The following AP1B1 variants were observed in gnomAD, a reference collection of about 807,000 sequenced individuals.
AP1B1 encodes adaptor related protein complex 1 subunit beta 1.
AP1B1 carries 36 observed loss-of-function variants against 104.3 expected under a neutral mutation model. That is an observed-to-expected ratio of 0.35 (90% CI 0.26 to 0.46). AP1B1 has a LOEUF of 0.46. Among genes scored for constraint, AP1B1 ranks in the 20% least tolerant of loss-of-function variants. The pLI, the probability that AP1B1 is intolerant of heterozygous loss-of-function variation, is 1.00. For missense variants in AP1B1, 901 were observed against 1,247.9 expected (o/e 0.72, Z 4.19); for synonymous variants, 504 against 517.5 (o/e 0.97, Z 0.35).
intron 16 of AP1B1, among the ~76,000 whole-genome samples, chr22:29,338,189 C>T (rs1011003996): frequency 1.3e-5 from 2 of 152,238 alleles, no homozygotes; most frequent in Non-Finnish European, 2.9e-5. Flanking sequence ...GTCCTGCATC[C>T]TTCCAGTATT....
At chr22:29,334,163 T>G in intron 17 of AP1B1, 102 bp downstream of exon 17, 127 of 506,052 alleles carry the variant, frequency 2.5e-4, no homozygotes, top group Middle Eastern at 3.3e-4. Context: ...TGCCCTCCCC[T>G]CTACAGCCCC....
At chr22:29,352,666 T>C (rs4823032) in intron 7 of AP1B1, among the ~76,000 whole-genome samples, 57,136 of 152,074 alleles carry the variant, frequency 0.38, 11,658 homozygotes, top group East Asian at 0.67. Flanking sequence ...CAGCAGCTCA[T>C]GCCTGTCATC....
At chr22:29,384,603 C>T (rs1569169003) in intron 1 of AP1B1, among the ~76,000 whole-genome samples, 1 of 152,202 alleles carries the variant, frequency 6.6e-6, no homozygotes, top group Non-Finnish European at 1.5e-5. Context: ...CACGGTGGCT[C>T]AAACCTGTAA....
chr22:29,350,087 C>T lies in AP1B1; in HGVS notation c.1219G>A (p.Val407Ile). The change falls in exon 10 of 23, where the codon GTC (valine) becomes ATC (isoleucine). Residue 407 changes from valine (V) to isoleucine (I), a missense_variant. Physicochemically the swap from Val to Ile is conservative, Grantham distance 29. Coordinates refer to ENST00000357586, the MANE Select transcript of AP1B1 (RefSeq NM_001127.4). ...DLIQTKVNYV[V>I]QEAIVVIKDI... ...TTGATGACCACGATGGCCTCCTGGA[C>T]CACATAGTTGACCTTGGTCTGGATG... 6.2e-7 allele frequency: 1 copy of T among 1,614,224 alleles called. No individual in the cohort carries two copies. The highest frequency in any genetic ancestry group is 1.3e-5 in the African/African-American group (1 of 75,064).
At position 29,356,545 on chromosome 22, in the gene AP1B1, C is replaced by T; in HGVS notation, c.597G>A (p.Leu199=). Residue 199 remains leucine, a synonymous_variant, in exon 6 of 23, where the codon CTG becomes CTA. Coordinates refer to ENST00000357586, the MANE Select transcript of AP1B1 (RefSeq NM_001127.4). ...ESHPSSNLLD[L]NPQSINKLLT... ...GCAGCTTGTTGATGGACTGTGGGTT[C>T]AGATCGAGCAGGTTGCTGCTGGGGT... 2 of 1,614,206 alleles carry T rather than the reference C, an allele frequency of 1.2e-6. No individual in the cohort carries two copies. Among genetic ancestry groups the T allele is most frequent in the African/African-American group, 1.3e-5 (1 of 75,060 alleles).
chr22:29,363,722 C>T (rs1023679071), intron 2 of AP1B1, among the ~76,000 whole-genome samples: 1 of 151,882 alleles, frequency 6.6e-6, no homozygotes, highest in Non-Finnish European at 1.5e-5. Context: ...AGTGAGACCT[C>T]GTTTCTACAA....
rs747912637 is a variant in AP1B1 at position 29,334,271 on chromosome 22, C to T, written c.2303G>A (p.Arg768His). The change falls in exon 17 of 23, where the codon CGC (arginine) becomes CAC (histidine). Residue 768 changes from arginine (R) to histidine (H), a missense_variant. Coordinates refer to ENST00000357586, the MANE Select transcript of AP1B1 (RefSeq NM_001127.4). ...VMTDFAIQFN[R>H]NSFGLAPAAP... ...GGCCTCAGGGAGCTCTCACCTGTTG[C>T]GGTTGAACTGGATGGCAAAGTCGGT... The T allele has an allele frequency of 9.4e-6, 15 of 1,596,534 alleles. No homozygotes were observed. Among genetic ancestry groups the T allele is most frequent in the South Asian group, 2.3e-5 (2 of 88,782 alleles).
At chr22:29,351,581 T>TAA (rs1384328085) in intron 8 of AP1B1, 124 bp downstream of exon 8, 2 of 1,333,564 alleles carry the variant, frequency 1.5e-6, no homozygotes, top group East Asian at 4.9e-5. Flanking sequence ...TGTCCCATGC[T>TAA]AAACACTCTT....
intron 15 of AP1B1, 114 bp from the exon 16 acceptor site, chr22:29,339,247 C>G (rs565389460): frequency 2.5e-6 from 3 of 1,218,410 alleles, no homozygotes; most frequent in African/African-American, 1.5e-5. Flanking sequence ...GGGGGCAGGA[C>G]AGCCTCCATA....
chr22:29,343,075 T>C (rs2061738170), intron 11 of AP1B1, among the ~76,000 whole-genome samples: 1 of 152,266 alleles, frequency 6.6e-6, no homozygotes, highest in South Asian at 2.1e-4. Context: ...CTTACTGTCG[T>C]GTCACTAATT....
At chr22:29,355,197 A>G (rs1343040341) in intron 6 of AP1B1, among the ~76,000 whole-genome samples, 6 of 151,884 alleles carry the variant, frequency 4.0e-5, no homozygotes, top group African/African-American at 7.3e-5. Context: ...AGATCGCGCC[A>G]TTGCACTCCA....
rs1367027421 is a variant in AP1B1 at position 29,359,941 on chromosome 22, C to A, written c.162G>T (p.Val54=). 3.1e-6 allele frequency: 5 copies of A among 1,613,468 alleles called. No individual in the cohort carries two copies. Among genetic ancestry groups the A allele is most frequent in the Non-Finnish European group, 4.2e-6 (5 of 1,179,724 alleles). The part of the protein sequence containing the change: ...GKDVSALFPD[V]VNCMQTDNLE... ...GGTTGTCCGTCTGCATGCAGTTGAC[C>A]ACATCGGGGAAGAGGGCACTGGAAG... Residue 54 remains valine (V), a synonymous_variant, in exon 4 of 23, where the codon GTG becomes GTT. Coordinates refer to ENST00000357586, the MANE Select transcript of AP1B1 (RefSeq NM_001127.4).
In AP1B1 at chr22:29,334,297, C is replaced by A; in HGVS notation, c.2277G>T (p.Met759Ile). 2 of 1,607,266 alleles carry A rather than the reference C, an allele frequency of 1.2e-6. No individual in the cohort carries two copies. Among genetic ancestry groups the A allele is most frequent in the South Asian group, 2.2e-5 (2 of 90,082 alleles). ...GGTTGAACTGGATGGCAAAGTCGGT[C>A]ATGACCTGCAAGGCCTTGTTGGTCA... ...LQLTNKALQVMTDFAIQFNRN... is the reference protein window; with the variant it reads ...LQLTNKALQVITDFAIQFNRN... Residue 759 changes from methionine to isoleucine, a missense_variant, in exon 17 of 23, where the codon ATG becomes ATT. Met to Ile is a conservative substitution (Grantham distance 10, BLOSUM62 1). Around this residue, in one of 3 missense-constraint regions of AP1B1, gnomAD observed 424 missense variants for 494.0 expected, o/e 0.86. Coordinates refer to ENST00000357586, the MANE Select transcript of AP1B1 (RefSeq NM_001127.4).
chr22:29,335,712 C>T (rs1010643351), intron 16 of AP1B1, among the ~76,000 whole-genome samples: 1 of 152,190 alleles, frequency 6.6e-6, no homozygotes, highest in African/African-American at 2.4e-5. Flanking sequence ...AGCCTGGTGC[C>T]CATCTGCTCC....
intron 1 of AP1B1, among the ~76,000 whole-genome samples, chr22:29,371,683 G>A (rs940325470): frequency 6.6e-6 from 1 of 151,978 alleles, no homozygotes; most frequent in Non-Finnish European, 1.5e-5. Flanking sequence ...AGCAGAGATC[G>A]CGCCACTGCA....
chr22:29,342,426 A>G, intron 11 of AP1B1, 43 bp from the exon 12 acceptor site: 1 of 1,519,814 alleles, frequency 6.6e-7, no homozygotes, highest in South Asian at 1.1e-5. Flanking sequence ...TGGGCCTCAC[A>G]TGGGGATAGA....
At chr22:29,360,553 C>G (rs1486552765) in intron 3 of AP1B1, among the ~76,000 whole-genome samples, 2 of 152,172 alleles carry the variant, frequency 1.3e-5, no homozygotes, top group African/African-American at 2.4e-5. Flanking sequence ...TAAGAACCAG[C>G]ACAGCATGCA....
At position 29,342,303 on chromosome 22, in the gene AP1B1, G is replaced by T. The variant is rs1174227528; in HGVS notation, c.1518C>A (p.Val506=). The change falls in exon 12 of 23, where the codon GTC becomes GTA. Residue 506 remains valine (V), a synonymous_variant. Transcript: ENST00000357586. ...CACCCACCTGAGTGGCCAAACTGAG[G>T]ACCTGCTGCACCAGCTCCTGGGTCT... ...PTETQELVQQ[V]LSLATQDSDN... The T allele has an allele frequency of 6.2e-7, 1 of 1,613,890 alleles. No individual in the cohort carries two copies. The highest frequency in any genetic ancestry group is 8.5e-7 in the Non-Finnish European group (1 of 1,179,964).
rs138096139 is a variant in AP1B1 at position 29,381,316 on chromosome 22, C to T, written c.-28+7108G>A. 2.9e-3 allele frequency among the ~76,000 whole-genome samples: 448 copies of T among 152,260 alleles called. 1 individual carries two copies. The highest frequency in any genetic ancestry group is 0.01 in the African/African-American group (432 of 41,534). ...ACCTACACACTATAAAATATACTTA[C>T]GTTGTCTATTCTTTCTCCCCCTATA... On this transcript the variant is annotated intron_variant, in intron 1 of 22. Transcript: ENST00000357586.
Sources: allele counts gnomAD v4.1 joint callset (sites outside exome capture counted in the v4.1 genomes callset), GRCh38; gene constraint gnomAD v4.1.1; regional missense constraint gnomAD v4.1.1; transcripts MANE v1.5; gene names NCBI Gene and HGNC (gene_info 2026-07-23, HGNC 2026-07-21).